FARS2: variants seen among roughly 807,000 people sequenced by gnomAD.
The protein encoded by FARS2 is phenylalanyl-tRNA synthetase 2, mitochondrial, also known as phenylalanine--tRNA ligase, mitochondrial.
Under a neutral mutation model 46.4 loss-of-function variants are expected in FARS2, and 40 were observed. The ratio of observed to expected loss-of-function variants is 0.86; its 90% CI spans 0.67 to 1.12. The LOEUF (loss-of-function observed/expected upper bound fraction) is 1.12. Among genes scored for constraint, FARS2 ranks in the 50% most tolerant of loss-of-function variants. The probability of loss-of-function intolerance (pLI) is 0.00; values close to 1 mark genes in which losing one functional copy is unlikely to be tolerated. For synonymous variants in FARS2, 234 were observed against 214.9 expected, an observed-to-expected ratio of 1.09 and a Z score of -0.78; for missense variants, 513 against 567.9, an observed-to-expected ratio of 0.90 and a Z score of 0.98.
At position 5,624,489 on chromosome 6, in the gene FARS2, A is replaced by G. The variant is rs185061398; in HGVS notation, c.1217+11169A>G. On this transcript the variant is annotated intron_variant, in intron 6 of 6. Transcript: ENST00000274680. ...AGAGACTGCTTGCTCAACAGCAGCTAGGCAGGGAGAGAAGCCGGGCGCTGA... is the reference window on the plus strand; with the variant it reads ...AGAGACTGCTTGCTCAACAGCAGCTGGGCAGGGAGAGAAGCCGGGCGCTGA... Among the ~76,000 whole-genome samples the G allele has an allele frequency of 6.6e-5, 10 of 152,362 alleles. No individual in the cohort carries two copies. The East Asian group carries it at 1.7e-3, about 26-fold the overall frequency.
chr6:5,494,809 C>G (rs994268847), intron 4 of FARS2, among the ~76,000 whole-genome samples: 2 of 152,182 alleles, frequency 1.3e-5, no homozygotes, highest in Non-Finnish European at 2.9e-5. Flanking sequence ...CCTCTCTCCC[C>G]CTTTTCCCCT....
At chr6:5,616,010 TAA>T (rs11327256) in intron 6 of FARS2, among the ~76,000 whole-genome samples, 7,786 of 95,798 alleles carry the variant, frequency 0.081, 235 homozygotes, top group African/African-American at 0.089. Flanking sequence ...CCATAGCTCT[TAA>T]AAAAAAAAAA....
chr6:5,740,594 A>G (rs557302999), intron 6 of FARS2, among the ~76,000 whole-genome samples: 5 of 152,188 alleles, frequency 3.3e-5, no homozygotes, highest in Non-Finnish European at 5.9e-5. Flanking sequence ...TGGAGCCACA[A>G]AAGCCCCCGT....
intron 6 of FARS2, among the ~76,000 whole-genome samples, chr6:5,741,899 G>A (rs1296169250): frequency 6.6e-6 from 1 of 152,122 alleles, no homozygotes; most frequent in South Asian, 2.1e-4. Flanking sequence ...TGATCCGCCC[G>A]CCTCAGCCTC....
chr6:5,339,429 ACTT>A (rs1183707246), intron 1 of FARS2, among the ~76,000 whole-genome samples: 6 of 151,268 alleles, frequency 4.0e-5, no homozygotes, highest in East Asian at 3.9e-4. Context: ...AAACCAGGAG[ACTT>A]CTTTTTTTTT....
At chr6:5,589,662 G>T (rs1171130059) in intron 5 of FARS2, among the ~76,000 whole-genome samples, 1 of 152,182 alleles carries the variant, frequency 6.6e-6, no homozygotes, top group Non-Finnish European at 1.5e-5. Context: ...GCCATATCTG[G>T]GAACACCAGT....
At chr6:5,279,957 C>T (rs1243853972) in intron 1 of FARS2, among the ~76,000 whole-genome samples, 1 of 152,186 alleles carries the variant, frequency 6.6e-6, no homozygotes, top group Non-Finnish European at 1.5e-5. Flanking sequence ...TCTGGGCACC[C>T]CAAGGCCCAG....
intron 2 of FARS2, among the ~76,000 whole-genome samples, chr6:5,379,314 T>A (rs1759600085): frequency 6.6e-6 from 1 of 152,192 alleles, no homozygotes; most frequent in Admixed American, 6.5e-5. Flanking sequence ...AGTTGGGTAT[T>A]CTCAGCTATA....
At chr6:5,474,910 G>A (rs1219854041) in intron 4 of FARS2, among the ~76,000 whole-genome samples, 1 of 151,910 alleles carries the variant, frequency 6.6e-6, no homozygotes, top group East Asian at 1.9e-4. Context: ...CACCCACCTC[G>A]GCCTCCCAAA....
chr6:5,673,805 G>C (rs188574401), intron 6 of FARS2, among the ~76,000 whole-genome samples: 3 of 152,154 alleles, frequency 2.0e-5, no homozygotes, highest in Non-Finnish European at 2.9e-5. Context: ...GGCACACCTT[G>C]GTATGTCTGG....
At chr6:5,288,794 G>A (rs963910964) in intron 1 of FARS2, among the ~76,000 whole-genome samples, 10 of 152,178 alleles carry the variant, frequency 6.6e-5, no homozygotes, top group African/African-American at 2.4e-4. Context: ...TAAGACATAG[G>A]TGAGAGGAAA....
In FARS2 at chr6:5,430,394, T is replaced by C. The variant is rs2127766680; in HGVS notation, c.773-647T>C. Among the ~76,000 whole-genome samples, 5 of 152,242 alleles carry C rather than the reference T, an allele frequency of 3.3e-5. 1 individual carries two copies. The South Asian group carries it at 1.0e-3, about 32-fold the overall frequency. ...CCATTGCTTAAATTACAGCACTTTT[T>C]CTCAAAAGTGCTGTATTTATGTTTG... On this transcript the variant is annotated intron_variant, in intron 3 of 6. Transcript: ENST00000274680.
intron 5 of FARS2, among the ~76,000 whole-genome samples, chr6:5,586,956 C>T (rs1045572775): frequency 3.3e-5 from 5 of 152,064 alleles, no homozygotes; most frequent in African/African-American, 9.7e-5. Context: ...ATGGGATTAT[C>T]AAAATGTGTG....
intron 3 of FARS2, among the ~76,000 whole-genome samples, chr6:5,427,008 T>A (rs542653674): frequency 1.1e-4 from 17 of 152,230 alleles, no homozygotes; most frequent in Non-Finnish European, 2.4e-4. Flanking sequence ...ATAATTTACT[T>A]TCAAATAATT....
intron 4 of FARS2, among the ~76,000 whole-genome samples, chr6:5,522,663 C>T (rs556710733): frequency 2.6e-5 from 4 of 152,246 alleles, no homozygotes; most frequent in South Asian, 2.1e-4. Context: ...TCTTATATTC[C>T]GTAGCCATGG....
At chr6:5,259,803 C>A (rs1764891991), upstream of FARS2, among the ~76,000 whole-genome samples, 1 of 151,014 alleles carries the variant, frequency 6.6e-6, no homozygotes, top group African/African-American at 2.4e-5. Flanking sequence ...TTAGTAAAAA[C>A]AAAACAAAAC....
At chr6:5,387,227 C>A (rs1447047603) in intron 2 of FARS2, among the ~76,000 whole-genome samples, 1 of 152,150 alleles carries the variant, frequency 6.6e-6, no homozygotes, top group Admixed American at 6.6e-5. Flanking sequence ...GGCATGATTT[C>A]TAAGTGACAT....
intron 2 of FARS2, among the ~76,000 whole-genome samples, chr6:5,382,599 T>C (rs1489746296): frequency 6.6e-6 from 1 of 152,178 alleles, no homozygotes; most frequent in African/African-American, 2.4e-5. Context: ...CCTAATAGTA[T>C]GTGAAGTCTA....
At chr6:5,438,349 G>A (rs1221547727) in intron 4 of FARS2, among the ~76,000 whole-genome samples, 1 of 145,816 alleles carries the variant, frequency 6.9e-6, no homozygotes, top group Non-Finnish European at 1.5e-5. Context: ...TTTGTCCCAG[G>A]AGACCCTGAG....
Sources: gnomAD v4.1 joint callset for allele counts (sites outside exome capture counted in the v4.1 genomes callset) on GRCh38, gnomAD v4.1.1 for gene constraint, MANE v1.5 for transcripts, NCBI Gene and HGNC (gene_info 2026-07-23, HGNC 2026-07-21) for gene names.